The following TRAPPC9 variants were observed in gnomAD, a reference collection of about 807,000 sequenced individuals.
TRAPPC9 encodes the protein IKK2 binding protein.
TRAPPC9 carries 83 observed loss-of-function variants against 124.0 expected under a neutral mutation model. That is an observed-to-expected ratio of 0.67 (90% CI 0.56 to 0.80). The LOEUF is 0.80. TRAPPC9 is among the 30% of genes least tolerant of loss of function. The probability of loss-of-function intolerance (pLI) is 0.00; values close to 1 mark genes in which losing one functional copy is unlikely to be tolerated. For synonymous variants in TRAPPC9, 638 were observed against 617.5 expected (o/e 1.03, Z -0.49); for missense variants, 1,302 against 1,508.3 (o/e 0.86, Z 2.27).
intron 11 of TRAPPC9, among the ~76,000 whole-genome samples, chr8:140,294,466 C>CATGATG (rs138149378): frequency 6.6e-6 from 1 of 151,770 alleles, no homozygotes; most frequent in Non-Finnish European, 1.5e-5. Flanking sequence ...CTATCATGGT[C>CATGATG]ATGATGATGA....
At chr8:139,733,418 G>A (rs190640166) in intron 21 of TRAPPC9, among the ~76,000 whole-genome samples, 119 of 152,310 alleles carry the variant, frequency 7.8e-4, no homozygotes, top group Non-Finnish European at 1.5e-3. Context: ...GTGGTCGTTC[G>A]CTGTGGCAGC....
rs544745113 is a variant in TRAPPC9, at chr8:140,044,811, T to A, written c.2557-20732A>T. Among the ~76,000 whole-genome samples, 176 of 152,194 alleles carry A rather than the reference T, an allele frequency of 1.2e-3. 3 individuals carry two copies. Among genetic ancestry groups the A allele is most frequent in the Non-Finnish European group, 1.6e-3 (107 of 68,004 alleles). On this transcript the variant is annotated intron_variant, in intron 17 of 22. Coordinates refer to ENST00000438773, the MANE Select transcript of TRAPPC9 (RefSeq NM_001160372.4). ...TAATGCACAGCTGCAAAAGAGAAAA[T>A]TTTCCCTTGTGTGCTAAATACGCAT...
rs1197594997 is a variant in TRAPPC9 at position 139,969,158 on chromosome 8, G to A, written c.2810+19568C>T. The stretch of plus-strand genomic sequence containing the variant: ...GCGAAGGGAATTGAGAAGATGGCCC[G>A]GATGGGCAAATGCCCGTTCTTATGT... On this transcript the variant is annotated intron_variant, in intron 19 of 22. Coordinates refer to ENST00000438773, the MANE Select transcript of TRAPPC9 (RefSeq NM_001160372.4). 3.3e-5 allele frequency among the ~76,000 whole-genome samples: 5 copies of A among 152,364 alleles called. 1 individual carries two copies. The Middle Eastern group carries it at 0.014, about 415-fold the overall frequency.
intron 9 of TRAPPC9, among the ~76,000 whole-genome samples, chr8:140,349,222 A>G (rs28515830): frequency 0.066 from 3,349 of 50,502 alleles, 85 homozygotes; most frequent in Middle Eastern, 0.091. Context: ...AGGGCACAGA[A>G]GGGGGCCGAA....
At chr8:140,343,527 G>A (rs1045091165) in intron 9 of TRAPPC9, among the ~76,000 whole-genome samples, 6 of 152,202 alleles carry the variant, frequency 3.9e-5, no homozygotes, top group Non-Finnish European at 8.8e-5. Flanking sequence ...GGGGTGACAA[G>A]GCAGCAAAGG....
chr8:139,977,700 A>C, intron 19 of TRAPPC9, among the ~76,000 whole-genome samples: 1 of 146,756 alleles, frequency 6.8e-6, no homozygotes, highest in African/African-American at 2.5e-5. Flanking sequence ...TTCATTTTTG[A>C]GATGGAGTCT....
In TRAPPC9 at chr8:140,353,670, C is replaced by T. The variant is rs115544845; in HGVS notation, c.1495+6380G>A. ...CGGGCCAGACCTGGTCCATAGGCCACGGTTTGCCAAACCCTGCTCAAAAGC... is the reference window on the plus strand; with the variant it reads ...CGGGCCAGACCTGGTCCATAGGCCATGGTTTGCCAAACCCTGCTCAAAAGC... On this transcript the variant is annotated intron_variant, in intron 9 of 22. Transcript: ENST00000438773. The surrounding 1 kb of genome is among the most constrained non-coding windows in gnomAD (Gnocchi z 4.2). Among the ~76,000 whole-genome samples, 1,108 of 152,324 alleles carry T rather than the reference C, an allele frequency of 7.3e-3. 16 individuals are homozygous for T. Among genetic ancestry groups the T allele is most frequent in the African/African-American group, 0.025 (1,048 of 41,562 alleles).
chr8:139,745,896 G>T (rs1164460667), intron 21 of TRAPPC9, among the ~76,000 whole-genome samples: 1 of 152,264 alleles, frequency 6.6e-6, no homozygotes, highest in Non-Finnish European at 1.5e-5. Context: ...ACGTGCCCAT[G>T]GCGAGCACGC....
chr8:140,381,626 C>T (rs889427789), intron 7 of TRAPPC9, among the ~76,000 whole-genome samples: 1 of 138,514 alleles, frequency 7.2e-6, no homozygotes, highest in African/African-American at 2.8e-5. Context: ...CGAGATTGTG[C>T]CACTGCACTC....
At chr8:140,253,329 G>A (rs1024500258) in intron 15 of TRAPPC9, among the ~76,000 whole-genome samples, 1 of 152,120 alleles carries the variant, frequency 6.6e-6, no homozygotes, top group African/African-American at 2.4e-5. Flanking sequence ...TCCAAGTGTA[G>A]TAGGGAAAGT....
chr8:140,088,402 C>T (rs1844341069), intron 17 of TRAPPC9, among the ~76,000 whole-genome samples: 1 of 152,156 alleles, frequency 6.6e-6, no homozygotes, highest in Admixed American at 6.5e-5. Context: ...TAGAGATAAA[C>T]AAGAACAAAC....
chr8:140,422,791 A>G (rs1223612745), intron 5 of TRAPPC9, among the ~76,000 whole-genome samples: 1 of 152,044 alleles, frequency 6.6e-6, no homozygotes, highest in Non-Finnish European at 1.5e-5. Flanking sequence ...TCAACAATAA[A>G]AAGACAAAAA....
intron 2 of TRAPPC9, among the ~76,000 whole-genome samples, chr8:140,447,236 T>C: frequency 6.6e-6 from 1 of 152,086 alleles, no homozygotes; most frequent in Non-Finnish European, 1.5e-5. Flanking sequence ...GCAAATATTT[T>C]AGCAAACACC....
chr8:140,011,501 CT>C lies in TRAPPC9; in HGVS notation c.2699+12435del, dbSNP rs916485762. Among the ~76,000 whole-genome samples the C allele has an allele frequency of 2.1e-3, 245 of 114,622 alleles. 1 individual carries two copies. The highest frequency in any genetic ancestry group is 3.0e-3 in the East Asian group (13 of 4,356). 75.2% of individuals were successfully genotyped at this position (114,622 alleles called of 152,430 possible). Reference sequence around the variant, plus strand: ...ACTTAACATGCTTCCAGAAGGCATACTTTTTTTTTTTTTTTTTTTTTGAGAC... The same window carrying C: ...ACTTAACATGCTTCCAGAAGGCATACTTTTTTTTTTTTTTTTTTTTGAGAC... On this transcript the variant is annotated intron_variant, in intron 18 of 22. Transcript: ENST00000438773.
chr8:139,889,507 G>A (rs775737720), intron 20 of TRAPPC9, among the ~76,000 whole-genome samples: 2 of 152,206 alleles, frequency 1.3e-5, no homozygotes, highest in Admixed American at 6.5e-5. Flanking sequence ...ATGGGAGGGA[G>A]TGTTTCATGG....
intron 19 of TRAPPC9, among the ~76,000 whole-genome samples, chr8:139,929,849 G>A (rs1016229505): frequency 6.6e-6 from 1 of 152,172 alleles, no homozygotes; most frequent in African/African-American, 2.4e-5. Context: ...GGGCCTCTGG[G>A]GTCTGCCCTC....
chr8:139,785,267 T>A (rs1822144165), intron 21 of TRAPPC9, among the ~76,000 whole-genome samples: 1 of 152,108 alleles, frequency 6.6e-6, no homozygotes, highest in African/African-American at 2.4e-5. Flanking sequence ...CTGTAAAAAA[T>A]TAACTCAAAA....
chr8:140,189,064 A>G (rs1489066275), intron 17 of TRAPPC9, among the ~76,000 whole-genome samples: 2 of 152,052 alleles, frequency 1.3e-5, no homozygotes, highest in Non-Finnish European at 2.9e-5. Context: ...ATACACAAAT[A>G]TTGTTTTTCA....
intron 15 of TRAPPC9, chr8:140,262,493 C>T (rs918845388): frequency 6.6e-6 from 1 of 151,364 alleles, no homozygotes; most frequent in Non-Finnish European, 1.5e-5. Flanking sequence ...CTGAACCGTA[C>T]CAGAAAGCCG....
Sources: gnomAD v4.1 joint callset for allele counts (sites outside exome capture counted in the v4.1 genomes callset) on GRCh38, gnomAD v4.1.1 for gene constraint, Gnocchi (gnomAD v3.1) non-coding constraint, MANE v1.5 for transcripts, NCBI Gene and HGNC (gene_info 2026-07-23, HGNC 2026-07-21) for gene names.